Variants in TAS1R1 observed in about 807,000 individuals in gnomAD.
TAS1R1 encodes the protein taste 1 receptor member 1.
In TAS1R1, 31 loss-of-function variants were observed where a neutral mutation model predicts 45.8. That is an observed-to-expected ratio of 0.68 (90% CI 0.51 to 0.91). TAS1R1 has a LOEUF of 0.91. TAS1R1 is among the 40% of genes least tolerant of loss of function. The pLI is 0.00. For missense variants in TAS1R1, 1,051 were observed against 1,063.9 expected (o/e 0.99, Z 0.17); for synonymous variants, 437 against 448.4 (o/e 0.97, Z 0.32).
In TAS1R1 at chr1:6,574,792, T is replaced by C. The variant is rs376832587; in HGVS notation, c.660T>C (p.Tyr220=). ...CTCTGGTTGGCAGCAGTGACGACTA[T>C]GGGCAGCTAGGGGTGCAGGCACTGG... is the stretch of plus-strand genomic sequence containing the variant. ...WISLVGSSDD[Y]GQLGVQALEN... The change falls in exon 3 of 6, where the codon TAT becomes TAC. Residue 220 remains tyrosine (Y), a synonymous_variant. Transcript: ENST00000333172. The surrounding 1 kb of genome is among the most constrained non-coding windows in gnomAD (Gnocchi z 4.3). The C allele has an allele frequency of 1.5e-5, 25 of 1,614,146 alleles. No homozygotes were observed. Among genetic ancestry groups the C allele is most frequent in the Admixed American group, 1.2e-4 (7 of 60,012 alleles).
chr1:6,575,328 G>T lies in TAS1R1; in HGVS notation c.1196G>T (p.Gly399Val), dbSNP rs188357154. Residue 399 changes from glycine (G) to valine (V), a missense_variant, in exon 3 of 6, where the codon GGC becomes GTC. By Grantham distance (109) the Gly-to-Val change is moderately radical. Coordinates refer to ENST00000333172, the MANE Select transcript of TAS1R1 (RefSeq NM_138697.4). ...AYRAVYAVAH[G>V]LHQLLGCASG... ...CGGGCTGTGTATGCGGTGGCCCATG[G>T]CCTCCACCAGCTCCTGGGCTGTGCC... is the stretch of plus-strand genomic sequence containing the variant. The T allele has an allele frequency of 3.1e-6, 5 of 1,610,812 alleles. No homozygotes were observed. The African/African-American group carries it at 6.7e-5, about 21-fold the overall frequency.
At chr1:6,561,169 G>A (rs11805406) in intron 1 of TAS1R1, among the ~76,000 whole-genome samples, 1 of 152,048 alleles carries the variant, frequency 6.6e-6, no homozygotes, top group African/African-American at 2.4e-5. Flanking sequence ...GAGAAAATGG[G>A]TTATGGCAGG....
In TAS1R1 at chr1:6,575,054, C is replaced by T; in HGVS notation, c.922C>T (p.His308Tyr). ...CTCAGAAGCCTGGGCCCTCTCCAGG[C>T]ACATCACTGGGGTGCCCGGGATCCA... ...VASEAWALSR[H>Y]ITGVPGIQRI... Residue 308 changes from histidine to tyrosine, a missense_variant, in exon 3 of 6, where the codon CAC becomes TAC. His to Tyr is a moderately conservative substitution (Grantham distance 83, BLOSUM62 2). Coordinates refer to ENST00000333172, the MANE Select transcript of TAS1R1 (RefSeq NM_138697.4). 6.3e-7 allele frequency: 1 copy of T among 1,587,812 alleles called. No homozygotes were observed. The highest frequency in any genetic ancestry group is 8.6e-7 in the Non-Finnish European group (1 of 1,165,598).
chr1:6,574,715 C>T lies in TAS1R1; in HGVS notation c.583C>T (p.Gln195Ter), dbSNP rs1346811465. The T allele has an allele frequency of 1.9e-6, 3 of 1,614,260 alleles. No individual in the cohort carries two copies. Among genetic ancestry groups the T allele is most frequent in the Non-Finnish European group, 2.5e-6 (3 of 1,180,056 alleles). The change falls in exon 3 of 6, where the codon CAG becomes TAG. Residue 195 changes from glutamine to a stop codon, truncating the protein, a stop_gained. Transcript: ENST00000333172. LOFTEE classifies it high-confidence loss of function. This position sits in a 1 kb window ranked among gnomAD's most constrained non-coding sequence, Gnocchi z 4.3. Reference protein sequence around the residue: ...FLRTIPNDKYQVETMVLLLQK... With the variant: ...FLRTIPNDKY ...GCGCACCATCCCCAATGACAAGTAC[C>T]AGGTGGAGACCATGGTGCTGCTGCT... is the stretch of plus-strand genomic sequence containing the variant.
intron 1 of TAS1R1, among the ~76,000 whole-genome samples, chr1:6,558,644 G>A (rs962827420): frequency 2.6e-5 from 4 of 151,910 alleles, no homozygotes; most frequent in East Asian, 3.9e-4. Context: ...CACTTGAACC[G>A]GGGTGGCAGA....
Position 6,579,719 on chromosome 1 carries a change from A to C in TAS1R1, c.*135A>C, listed in dbSNP as rs529682531. The C allele has an allele frequency of 1.6e-6, 2 of 1,239,588 alleles. No individual in the cohort carries two copies. Among genetic ancestry groups the C allele is most frequent in the South Asian group, 1.5e-5 (1 of 65,050 alleles). The allele number at this position is 1,239,588 out of a possible 1,614,324, so 76.8% of individuals were successfully genotyped here. A position where few individuals can be genotyped will look rare whatever the true frequency, so the allele number is the denominator to read the frequency against. On this transcript the variant is annotated 3_prime_UTR_variant, in exon 6 of 6. Transcript: ENST00000333172. ...CGTGTAAGCGCCTGGGAGAGCCTAG[A>C]CCAGGCTCCGGGCTGCCAATAAAGA... is the stretch of plus-strand genomic sequence containing the variant.
At chr1:6,558,430 T>C (rs1639724153) in intron 1 of TAS1R1, among the ~76,000 whole-genome samples, 1 of 152,106 alleles carries the variant, frequency 6.6e-6, no homozygotes, top group Admixed American at 6.6e-5. Flanking sequence ...TTTTAATTTA[T>C]TTATTTTGGC....
intron 1 of TAS1R1, among the ~76,000 whole-genome samples, chr1:6,557,049 A>G (rs1639699966): frequency 6.7e-6 from 1 of 149,824 alleles, no homozygotes; most frequent in Non-Finnish European, 1.5e-5. Context: ...AGTTGCTTGC[A>G]GACTGTGGAA....
intron 1 of TAS1R1, among the ~76,000 whole-genome samples, chr1:6,559,634 G>A (rs1301671803): frequency 2.0e-5 from 3 of 151,190 alleles, no homozygotes; most frequent in Non-Finnish European, 4.4e-5. Flanking sequence ...ACTCCAGCCT[G>A]GGCGACAGAG....
chr1:6,576,468 G>A lies in TAS1R1; in HGVS notation c.1314G>A (p.Ala438=), dbSNP rs151094077. 1.2e-4 allele frequency: 189 copies of A among 1,614,250 alleles called. No individual in the cohort carries two copies. The African/African-American group carries it at 2.0e-3, about 17-fold the overall frequency. The change falls in exon 4 of 6, where the codon GCG becomes GCA. Residue 438 remains alanine (A), a synonymous_variant. Transcript: ENST00000333172. ...TCCTTCTACACAAGGACACTGTGGC[G>A]TTTAATGACAACAGAGATCCCCTCA... ...VHFLLHKDTV[A]FNDNRDPLSS...
chr1:6,568,182 G>A (rs1436518651), intron 1 of TAS1R1, among the ~76,000 whole-genome samples: 2 of 152,006 alleles, frequency 1.3e-5, no homozygotes, highest in African/African-American at 2.4e-5. Context: ...GGGCGCGGTG[G>A]TTCACGCCTG....
intron 1 of TAS1R1, among the ~76,000 whole-genome samples, chr1:6,560,409 TA>T (rs1171622868): frequency 6.6e-6 from 1 of 152,128 alleles, no homozygotes; most frequent in African/African-American, 2.4e-5. Flanking sequence ...GCTTACAGAC[TA>T]GGGGGTATAA....
chr1:6,575,429 A>T, intron 3 of TAS1R1, 37 bp downstream of exon 3: 1 of 1,519,438 alleles, frequency 6.6e-7, no homozygotes, highest in Non-Finnish European at 8.8e-7. Flanking sequence ...TGTCAGGGAG[A>T]ACAGCCAATC....
In TAS1R1 at chr1:6,571,155, T is replaced by C. The variant is rs372013334; in HGVS notation, c.438T>C (p.Pro146=). The C allele has an allele frequency of 4.7e-5, 75 of 1,607,616 alleles. 1 individual carries two copies. Among genetic ancestry groups the C allele is most frequent in the South Asian group, 3.1e-4 (28 of 90,110 alleles). ...CTACGGTGCTGGCAGTGATTGGGCC[T>C]GACAGCACCAACCGTGCTGCCACCA... ...YSPTVLAVIG[P]DSTNRAATTA... Residue 146 remains proline (P), a synonymous_variant, in exon 2 of 6, where the codon CCT becomes CCC. Transcript: ENST00000333172.
chr1:6,573,081 T>C (rs1640060419), intron 2 of TAS1R1, among the ~76,000 whole-genome samples: 1 of 152,216 alleles, frequency 6.6e-6, no homozygotes, highest in East Asian at 1.9e-4. Context: ...CCCATCAGTG[T>C]CCTAAGGCTT....
chr1:6,578,299 CAA>C (rs1640241430), intron 5 of TAS1R1, among the ~76,000 whole-genome samples: 1 of 152,162 alleles, frequency 6.6e-6, no homozygotes, highest in African/African-American at 2.4e-5. Context: ...GAAATGCTGG[CAA>C]GAGAGAGGGG....
At chr1:6,562,479 G>C (rs1209581980) in intron 1 of TAS1R1, among the ~76,000 whole-genome samples, 1 of 152,130 alleles carries the variant, frequency 6.6e-6, no homozygotes, top group Admixed American at 6.6e-5. Flanking sequence ...GGCCACGGGG[G>C]TTTTAGACCC....
At chr1:6,567,993 G>A (rs932430392) in intron 1 of TAS1R1, among the ~76,000 whole-genome samples, 3 of 152,076 alleles carry the variant, frequency 2.0e-5, no homozygotes, top group African/African-American at 4.8e-5. Flanking sequence ...TATTTAGCGC[G>A]ATCTCTTTAG....
intron 5 of TAS1R1, 107 bp downstream of exon 5, chr1:6,577,177 A>G (rs941330548): frequency 1.3e-6 from 2 of 1,499,760 alleles, no homozygotes; most frequent in African/African-American, 2.8e-5. Context: ...ACCAAGGCCC[A>G]GTCACTGGGC....
Sources: allele counts gnomAD v4.1 joint callset (sites outside exome capture counted in the v4.1 genomes callset), GRCh38; gene constraint gnomAD v4.1.1; non-coding constraint Gnocchi (gnomAD v3.1); transcripts MANE v1.5; gene names NCBI Gene and HGNC (gene_info 2026-07-23, HGNC 2026-07-21).